The following PDCD6 variants were observed in gnomAD, a reference collection of about 807,000 sequenced individuals.
The protein encoded by PDCD6 is programmed cell death 6.
A neutral mutation model predicts 28.3 loss-of-function variants in PDCD6; 12 were observed. The ratio of observed to expected loss-of-function variants is 0.42; its 90% confidence interval spans 0.27 to 0.69. PDCD6 has a LOEUF of 0.69. Ranked by LOEUF, PDCD6 falls within the 30% of genes least tolerant of loss-of-function variation. The pLI, the probability that PDCD6 is intolerant of heterozygous loss-of-function variation, is 0.22. For synonymous variants in PDCD6, 92 were observed against 108.0 expected (o/e 0.85, Z 0.92); for missense variants, 226 against 269.9 (o/e 0.84, Z 1.14).
intron 4 of PDCD6, 80 bp from the exon 5 acceptor site, chr5:311,212 GC>G (rs1199654515): frequency 3.9e-5 from 40 of 1,022,038 alleles, no homozygotes; most frequent in Non-Finnish European, 3.2e-5. Flanking sequence ...GAGGCTGTGG[GC>G]CTTGGGCAGG....
rs1294993625 is a variant in PDCD6 at position 271,840 on chromosome 5, C to T, written c.101+19C>T. 7.6e-7 allele frequency: 1 copy of T among 1,323,206 alleles called. No homozygotes were observed. Among genetic ancestry groups the T allele is most frequent in the Non-Finnish European group, 9.8e-7 (1 of 1,015,446 alleles). 82.0% of individuals were successfully genotyped at this position (1,323,206 alleles called of 1,614,324 possible). A position where few individuals can be genotyped will look rare whatever the true frequency, so the allele number is the denominator to read the frequency against. ...TCCAGAGGTGCGGCCTGGCACCGCC[C>T]GGGCACCTCCCGCCTCCGCCGCGGC... On this transcript the variant is annotated intron_variant, in intron 1 of 5. Coordinates refer to ENST00000264933, the MANE Select transcript of PDCD6 (RefSeq NM_013232.4).
chr5:290,853 G>T (rs1739271291), intron 2 of PDCD6, among the ~76,000 whole-genome samples: 1 of 152,214 alleles, frequency 6.6e-6, no homozygotes, highest in Admixed American at 6.5e-5. Context: ...CCATGGTGAG[G>T]TTCCGTGGAT....
At chr5:311,497 T>C (rs1740914239) in intron 5 of PDCD6, 95 bp downstream of exon 5, 1 of 786,986 alleles carries the variant, frequency 1.3e-6, no homozygotes, top group Non-Finnish European at 2.2e-6. Context: ...GAGCTGGGCA[T>C]GTGTAGAATT....
At chr5:273,645 C>T (rs765037811) in intron 2 of PDCD6, among the ~76,000 whole-genome samples, 4 of 152,126 alleles carry the variant, frequency 2.6e-5, no homozygotes, top group Non-Finnish European at 2.9e-5. Flanking sequence ...TGAACTGGGG[C>T]GCGGGGAGCA....
At chr5:290,230 A>T in intron 2 of PDCD6, 1 of 1,549,630 alleles carries the variant, frequency 6.5e-7, no homozygotes, top group South Asian at 1.1e-5. Flanking sequence ...TCTTGGCTAT[A>T]TGACAAAGAA....
At chr5:275,843 T>C (rs1473378997) in intron 2 of PDCD6, among the ~76,000 whole-genome samples, 1 of 152,226 alleles carries the variant, frequency 6.6e-6, no homozygotes, top group Admixed American at 6.5e-5. Flanking sequence ...TCTGTGGTGG[T>C]TTGCTCCTCA....
intron 2 of PDCD6, among the ~76,000 whole-genome samples, chr5:299,400 C>G (rs1159756210): frequency 6.7e-6 from 1 of 149,802 alleles, no homozygotes; most frequent in Non-Finnish European, 1.5e-5. Flanking sequence ...CGTGATCAGC[C>G]CATCGGTTTC....
chr5:312,739 G>A (rs1457587700), intron 5 of PDCD6, among the ~76,000 whole-genome samples: 4 of 151,400 alleles, frequency 2.6e-5, no homozygotes, highest in Non-Finnish European at 5.9e-5. Context: ...GAACCCGGGA[G>A]GTGGAGGTTT....
chr5:290,458 C>G (rs1327736327), intron 2 of PDCD6: 1 of 614,522 alleles, frequency 1.6e-6, no homozygotes, highest in Non-Finnish European at 2.9e-6. Context: ...GTGGGGGGAA[C>G]GAAGGGAGCC....
In PDCD6 at chr5:314,807, T is replaced by C; in HGVS notation, c.*292T>C. ...CAAAAAAATCTATCATGTGCTTTTC[T>C]AGATGTCTCTGGTTCTATAGTGCAA... On this transcript the variant is annotated 3_prime_UTR_variant, in exon 6 of 6. Transcript: ENST00000264933. 1 of 486,350 alleles carries C rather than the reference T, an allele frequency of 2.1e-6. No individual in the cohort carries two copies. The highest frequency in any genetic ancestry group is 2.0e-5 in the South Asian group (1 of 49,932). The allele number at this position is 486,350 out of a possible 1,614,324, so 30.1% of individuals were successfully genotyped here. A position where few individuals can be genotyped will look rare whatever the true frequency, so the allele number is the denominator to read the frequency against.
chr5:274,988 CG>C (rs1269422048), intron 2 of PDCD6, among the ~76,000 whole-genome samples: 1 of 152,150 alleles, frequency 6.6e-6, no homozygotes, highest in East Asian at 1.9e-4. Context: ...AGCTGTGTAT[CG>C]GGACCCTCTC....
chr5:289,293 A>T lies in PDCD6; in HGVS notation c.164-14884A>T. The T allele has an allele frequency of 3.2e-5, 17 of 534,480 alleles. No individual in the cohort carries two copies. In the South Asian group the frequency reaches 4.2e-4, roughly 13 times the overall value. The allele number at this position is 534,480 out of a possible 1,614,324, so 33.1% of individuals were successfully genotyped here. A position where few individuals can be genotyped will look rare whatever the true frequency, so the allele number is the denominator to read the frequency against. ...CAACAACTACATACAGGTGGGAGAA[A>T]AGCCCAATGTCGGCATTACAAGGAG... is the stretch of plus-strand genomic sequence containing the variant. On this transcript the variant is annotated intron_variant, in intron 2 of 5. Transcript: ENST00000264933.
At chr5:287,944 T>A (rs1217640868) in intron 2 of PDCD6, among the ~76,000 whole-genome samples, 1 of 152,224 alleles carries the variant, frequency 6.6e-6, no homozygotes, top group Non-Finnish European at 1.5e-5. Context: ...ATCAGCTTCA[T>A]AAACATTCAT....
At position 298,672 on chromosome 5, in the gene PDCD6, T is replaced by TCAGCTGCTCCCACTCAGCTGCTCGCCCC. The variant is rs1739775298; in HGVS notation, c.164-5482_164-5481insGCCCCCAGCTGCTCCCACTCAGCTGCTC. On this transcript the variant is annotated intron_variant, in intron 2 of 5. Transcript: ENST00000264933. ...GCTGCTCCCACTCAGCTGCTCCCAC[T>TCAGCTGCTCCCACTCAGCTGCTCGCCCC]CAGCTGCTCCCACTCAGCTGCTCCC... Among the ~76,000 whole-genome samples the TCAGCTGCTCCCACTCAGCTGCTCGCCCC allele has an allele frequency of 7.2e-5, 2 of 27,602 alleles. 1 individual carries two copies. The allele number at this position is 27,602 out of a possible 152,430, so 18.1% of individuals were successfully genotyped here. A position where few individuals can be genotyped will look rare whatever the true frequency, so the allele number is the denominator to read the frequency against.
chr5:297,696 A>G (rs1739705961), intron 2 of PDCD6, among the ~76,000 whole-genome samples: 2 of 152,162 alleles, frequency 1.3e-5, no homozygotes. Context: ...AACGGCCCAC[A>G]AGAAAATGAC....
chr5:289,715 A>G (rs563119398), intron 2 of PDCD6: 128 of 871,246 alleles, frequency 1.5e-4, no homozygotes, highest in Middle Eastern at 3.3e-4. Context: ...TTTTGCTGCA[A>G]ATTTACCTCT....
chr5:289,425 C>T (rs1340138914), intron 2 of PDCD6: 4 of 676,878 alleles, frequency 5.9e-6, no homozygotes, highest in African/African-American at 1.8e-5. Context: ...TCTTCCTCTT[C>T]ATCCTCTTCT....
chr5:279,782 G>GAA (rs1738443458), intron 2 of PDCD6, among the ~76,000 whole-genome samples: 1 of 47,660 alleles, frequency 2.1e-5, no homozygotes, highest in Non-Finnish European at 3.9e-5. Flanking sequence ...AAAAGTAATG[G>GAA]CAAAAAAAAA....
intron 5 of PDCD6, chr5:311,724 C>T (rs955060300): frequency 6.1e-5 from 18 of 295,002 alleles, no homozygotes; most frequent in African/African-American, 3.0e-4. Flanking sequence ...GACCGAGTCT[C>T]GCTCTGTCAC....
Sources: allele counts gnomAD v4.1 joint callset (sites outside exome capture counted in the v4.1 genomes callset), GRCh38; gene constraint gnomAD v4.1.1; transcripts MANE v1.5; gene names NCBI Gene and HGNC (gene_info 2026-07-23, HGNC 2026-07-21).